Variants in PCDH15 observed in about 807,000 individuals in gnomAD.
PCDH15 encodes the protein protocadherin-15.
PCDH15 carries 129 observed loss-of-function variants against 178.5 expected under a neutral mutation model. The ratio of observed to expected loss-of-function variants is 0.72; its 90% confidence interval spans 0.63 to 0.84. The LOEUF (loss-of-function observed/expected upper bound fraction) is 0.84, where lower values mean the gene tolerates loss of function less well. Among genes scored for constraint, PCDH15 ranks in the 40% least tolerant of loss-of-function variants. The pLI is 0.00. For synonymous variants in PCDH15, 800 were observed against 732.0 expected (o/e 1.09, Z -1.50); for missense variants, 2,230 against 2,099.9 (o/e 1.06, Z -1.21).
chr10:54,173,869 T>A (rs2047150802), intron 13 of PCDH15, among the ~76,000 whole-genome samples: 1 of 151,978 alleles, frequency 6.6e-6, no homozygotes, highest in Non-Finnish European at 1.5e-5. Flanking sequence ...AATAAAGGGG[T>A]AACATTGAGA....
intron 2 of PCDH15, among the ~76,000 whole-genome samples, chr10:55,401,134 A>G (rs1000196006): frequency 3.9e-5 from 6 of 152,088 alleles, no homozygotes; most frequent in African/African-American, 1.4e-4. Flanking sequence ...AATGCATTCC[A>G]AGTTCCAAAC....
chr10:54,195,736 G>C lies in PCDH15; in HGVS notation c.1252C>G (p.Leu418Val), dbSNP rs1464781829. 3.7e-6 allele frequency: 6 copies of C among 1,613,920 alleles called. No individual in the cohort carries two copies. The highest frequency in any genetic ancestry group is 1.1e-5 in the South Asian group (1 of 91,086). Residue 418 changes from leucine to valine, a missense_variant, in exon 11 of 38, where the codon CTC becomes GTC. Transcript: ENST00000644397. The part of the protein sequence containing the change: ...APVGATISDS[L>V]NLTSPLRIVA... Reference sequence around the variant, plus strand: ...ATTCTTAAAGGTGAAGTCAAATTGAGACTGTCCGAAATGGTTGCTCCCACT... The same window carrying C: ...ATTCTTAAAGGTGAAGTCAAATTGACACTGTCCGAAATGGTTGCTCCCACT...
At chr10:55,301,500 C>A (rs907214672) in intron 1 of PCDH15, among the ~76,000 whole-genome samples, 6 of 151,634 alleles carry the variant, frequency 4.0e-5, no homozygotes, top group African/African-American at 1.2e-4. Flanking sequence ...TAGATGTTAG[C>A]CCCTTATTGT....
At position 55,563,513 on chromosome 10, in the gene PCDH15, G is replaced by C. The variant is rs143195362; in HGVS notation, c.-156+64112C>G. 1.6e-4 allele frequency among the ~76,000 whole-genome samples: 25 copies of C among 151,520 alleles called. No homozygotes were observed. In the East Asian group the frequency reaches 4.7e-3, roughly 29 times the overall value. On this transcript the variant is annotated intron_variant, in intron 2 of 5. Transcript: ENST00000613346. ...CAAAAACAGCAAGCCCTGGGGAAGG[G>C]AGAAAATCTGATTTCAAGATTTACC... is the stretch of plus-strand genomic sequence containing the variant.
chr10:55,525,731 C>T (rs2132170310), intron 2 of PCDH15, among the ~76,000 whole-genome samples: 1 of 151,900 alleles, frequency 6.6e-6, no homozygotes. Context: ...GAAATACATT[C>T]AGGAATATAG....
chr10:54,718,575 AT>A (rs2095508640), intron 1 of PCDH15, among the ~76,000 whole-genome samples: 1 of 152,092 alleles, frequency 6.6e-6, no homozygotes, highest in Non-Finnish European at 1.5e-5. Context: ...ATTAAAACAA[AT>A]TCAAAAAATA....
intron 2 of PCDH15, among the ~76,000 whole-genome samples, chr10:55,442,485 AT>A (rs1204291572): frequency 0.014 from 1,300 of 91,648 alleles, 29 homozygotes; most frequent in African/African-American, 0.047. Flanking sequence ...TATATATTAT[AT>A]ATATATATAT....
chr10:54,693,326 A>G (rs11004448), intron 1 of PCDH15, among the ~76,000 whole-genome samples: 50,258 of 151,392 alleles, frequency 0.33, 8,441 homozygotes, highest in African/African-American at 0.39. Context: ...TATGAAGCTT[A>G]ACATTTAAAT....
rs1389581489 is a variant in PCDH15 at position 54,421,824 on chromosome 10, A to G, written c.158-42882T>C. ...GTACATGTGTAGTGTGTGTATATAT[A>G]TATATATATATATACACACACACTA... is the stretch of plus-strand genomic sequence containing the variant. On this transcript the variant is annotated intron_variant, in intron 3 of 37. Transcript: ENST00000644397. Among the ~76,000 whole-genome samples the G allele has an allele frequency of 5.1e-3, 385 of 76,060 alleles. 9 individuals carry two copies. Among genetic ancestry groups the G allele is most frequent in the African/African-American group, 0.019 (344 of 17,652 alleles). The allele number at this position is 76,060 out of a possible 152,430, so 49.9% of individuals were successfully genotyped here. A position where few individuals can be genotyped will look rare whatever the true frequency, so the allele number is the denominator to read the frequency against.
At chr10:54,215,245 C>A (rs1425510061) in intron 9 of PCDH15, among the ~76,000 whole-genome samples, 1 of 151,934 alleles carries the variant, frequency 6.6e-6, no homozygotes, top group African/African-American at 2.4e-5. Context: ...ATCCAGGCTG[C>A]CAGATGTTAA....
At chr10:54,131,044 G>A (rs1368078278) in intron 15 of PCDH15, among the ~76,000 whole-genome samples, 2 of 152,140 alleles carry the variant, frequency 1.3e-5, no homozygotes, top group South Asian at 2.1e-4. Context: ...AGCACAAAGG[G>A]TGAATAGAAA....
At chr10:55,229,902 C>T (rs1841161411) in intron 1 of PCDH15, among the ~76,000 whole-genome samples, 1 of 151,972 alleles carries the variant, frequency 6.6e-6, no homozygotes, top group Admixed American at 6.6e-5. Flanking sequence ...TTCTCATGGC[C>T]TAGTGCTATA....
intron 7 of PCDH15, among the ~76,000 whole-genome samples, chr10:54,318,900 C>A (rs908579994): frequency 6.6e-5 from 10 of 152,258 alleles, no homozygotes; most frequent in Admixed American, 6.5e-4. Flanking sequence ...TATAAATTTC[C>A]TCTTTCTTGT....
At chr10:55,534,391 C>G (rs536410998) in intron 2 of PCDH15, among the ~76,000 whole-genome samples, 4 of 152,036 alleles carry the variant, frequency 2.6e-5, no homozygotes, top group Non-Finnish European at 4.4e-5. Context: ...ACAAATAACA[C>G]CATTAAAACA....
At chr10:54,180,587 G>C (rs568091681) in intron 13 of PCDH15, among the ~76,000 whole-genome samples, 2 of 152,240 alleles carry the variant, frequency 1.3e-5, no homozygotes, top group Non-Finnish European at 2.9e-5. Flanking sequence ...GGAAAGGCAG[G>C]GTTGTGATGA....
chr10:53,904,579 TGTGA>T, intron 25 of PCDH15, among the ~76,000 whole-genome samples: 1 of 152,080 alleles, frequency 6.6e-6, no homozygotes, highest in Middle Eastern at 3.2e-3. Context: ...GTTTGTCATC[TGTGA>T]CCTGGAAGAG....
intron 2 of PCDH15, among the ~76,000 whole-genome samples, chr10:55,588,283 C>A (rs766982529): frequency 6.6e-6 from 1 of 152,122 alleles, no homozygotes; most frequent in Non-Finnish European, 1.5e-5. Context: ...TTTTACTTAT[C>A]TGAATGGTAC....
chr10:54,559,691 A>G (rs562200770), intron 2 of PCDH15, among the ~76,000 whole-genome samples: 36 of 152,088 alleles, frequency 2.4e-4, no homozygotes, highest in African/African-American at 8.4e-4. Flanking sequence ...AATGAGAAAT[A>G]CCACTTTACA....
chr10:54,100,038 T>C (rs1426856002), intron 15 of PCDH15, among the ~76,000 whole-genome samples: 1 of 152,150 alleles, frequency 6.6e-6, no homozygotes, highest in Non-Finnish European at 1.5e-5. Context: ...AGGTAATAGA[T>C]ATTTAATACA....
Sources: gnomAD v4.1 joint callset for allele counts (sites outside exome capture counted in the v4.1 genomes callset) on GRCh38, gnomAD v4.1.1 for gene constraint, MANE v1.5 for transcripts, NCBI Gene and HGNC (gene_info 2026-07-23, HGNC 2026-07-21) for gene names.